CFH: variants seen among roughly 807,000 people sequenced by gnomAD.
CFH encodes the protein H factor 1 (complement).
Under a neutral mutation model 147.3 loss-of-function variants are expected in CFH, and 53 were observed. That is an observed-to-expected ratio of 0.36 (90% CI 0.29 to 0.45). CFH has a LOEUF of 0.45. Ranked by LOEUF, CFH falls within the 20% of genes least tolerant of loss-of-function variation. The pLI is 1.00. For missense variants in CFH, 1,380 were observed against 1,498.0 expected (o/e 0.92, Z 1.30); for synonymous variants, 536 against 489.4 (o/e 1.10, Z -1.26).
At chr1:196,670,957 A>T (rs1183031991) in intron 1 of CFH, among the ~76,000 whole-genome samples, 2 of 151,872 alleles carry the variant, frequency 1.3e-5, no homozygotes, top group Non-Finnish European at 2.9e-5. Context: ...TACACCACAC[A>T]TTTTTTTATA....
chr1:196,706,326 T>C (rs1668587628), intron 9 of CFH, among the ~76,000 whole-genome samples: 1 of 152,018 alleles, frequency 6.6e-6, no homozygotes, highest in Admixed American at 6.6e-5. Context: ...TTAGCCTGAC[T>C]AAAGGCAGTC....
chr1:196,728,253 A>G (rs1669194159), intron 14 of CFH, 93 bp from the exon 15 acceptor site: 1 of 898,006 alleles, frequency 1.1e-6, no homozygotes, highest in Non-Finnish European at 1.6e-6. Context: ...TAATTTTACC[A>G]TGCTAATACT....
intron 9 of CFH, among the ~76,000 whole-genome samples, chr1:196,698,815 G>A (rs144129914): frequency 3.3e-5 from 5 of 152,038 alleles, no homozygotes; most frequent in Non-Finnish European, 5.9e-5. Context: ...ACATCAATGC[G>A]AAAATCCTCA....
At chr1:196,706,689 C>G (rs1478337773) in intron 9 of CFH, among the ~76,000 whole-genome samples, 2 of 152,094 alleles carry the variant, frequency 1.3e-5, no homozygotes, top group Admixed American at 6.5e-5. Context: ...AGGCATGCCA[C>G]CCTTCAATTG....
At chr1:196,714,005 T>A in intron 10 of CFH, 88 bp downstream of exon 10, 1 of 1,225,482 alleles carries the variant, frequency 8.2e-7, no homozygotes, top group Non-Finnish European at 1.2e-6. Flanking sequence ...CTGATATAAT[T>A]TCATTTGAAA....
chr1:196,687,892 T>C (rs542070809), intron 7 of CFH, among the ~76,000 whole-genome samples: 4 of 152,130 alleles, frequency 2.6e-5, no homozygotes, highest in African/African-American at 9.6e-5. Context: ...GCCAAGAAAC[T>C]ATACTGAAAG....
intron 11 of CFH, among the ~76,000 whole-genome samples, chr1:196,720,326 G>C (rs1196821583): frequency 6.6e-6 from 1 of 151,842 alleles, no homozygotes; most frequent in Non-Finnish European, 1.5e-5. Context: ...ATGCAGTTTT[G>C]TTGCATGGAT....
At chr1:196,744,066 C>T (rs147973159) in intron 20 of CFH, among the ~76,000 whole-genome samples, 3,405 of 151,964 alleles carry the variant, frequency 0.022, 72 homozygotes, top group South Asian at 0.034. Flanking sequence ...AAAAGAAGTC[C>T]GAGCACATAG....
intron 4 of CFH, 67 bp from the exon 5 acceptor site, chr1:196,677,409 C>T: frequency 7.2e-7 from 1 of 1,385,826 alleles, no homozygotes; most frequent in Non-Finnish European, 1.0e-6. Flanking sequence ...TGATTTTATA[C>T]ATACACATAT....
chr1:196,659,591 A>G (rs1359000756), intron 1 of CFH, among the ~76,000 whole-genome samples: 3 of 152,156 alleles, frequency 2.0e-5, no homozygotes, highest in Non-Finnish European at 2.9e-5. Flanking sequence ...TTTTAATTAT[A>G]TGGAAATTAA....
At chr1:196,703,121 A>C (rs1316312185) in intron 9 of CFH, among the ~76,000 whole-genome samples, 2 of 152,218 alleles carry the variant, frequency 1.3e-5, no homozygotes, top group African/African-American at 4.8e-5. Context: ...TAAAGAGTGG[A>C]AAATAAAACA....
chr1:196,657,742 T>C (rs1666754045), intron 1 of CFH, among the ~76,000 whole-genome samples: 1 of 152,212 alleles, frequency 6.6e-6, no homozygotes, highest in Admixed American at 6.5e-5. Context: ...TTATAATATA[T>C]TCTGATACCT....
At chr1:196,745,451 A>C (rs1209489931) in intron 20 of CFH, among the ~76,000 whole-genome samples, 1 of 152,140 alleles carries the variant, frequency 6.6e-6, no homozygotes, top group Admixed American at 6.5e-5. Flanking sequence ...GTTTTTAAAA[A>C]ATTTTTGTCA....
At chr1:196,741,845 C>A (rs369121227) in intron 18 of CFH, 30 bp from the exon 19 acceptor site, 5 of 1,603,444 alleles carry the variant, frequency 3.1e-6, no homozygotes, top group Non-Finnish European at 3.4e-6. Context: ...TAAAGATTTG[C>A]GGAACAAATA....
intron 3 of CFH, 65 bp from the exon 4 acceptor site, chr1:196,675,924 C>T (rs1449120690): frequency 4.1e-6 from 4 of 979,400 alleles, no homozygotes; most frequent in Non-Finnish European, 6.6e-6. Flanking sequence ...CTCAGAATGG[C>T]ATCGAGTTTA....
intron 14 of CFH, among the ~76,000 whole-genome samples, chr1:196,727,927 A>G (rs754134720): frequency 5.3e-5 from 8 of 152,152 alleles, no homozygotes; most frequent in Non-Finnish European, 1.0e-4. Context: ...GAGATGTACA[A>G]TCTTTAAAAT....
At chr1:196,657,461 A>G (rs1314538097) in intron 1 of CFH, among the ~76,000 whole-genome samples, 1 of 152,192 alleles carries the variant, frequency 6.6e-6, no homozygotes, top group East Asian at 1.9e-4. Flanking sequence ...GGTGGGTTGC[A>G]AAACTTAAGC....
intron 9 of CFH, among the ~76,000 whole-genome samples, chr1:196,693,641 A>G (rs1668142285): frequency 6.6e-6 from 1 of 152,066 alleles, no homozygotes; most frequent in Non-Finnish European, 1.5e-5. Flanking sequence ...ATCAAAGACT[A>G]CTAAGTGACT....
rs901012681 is a variant in CFH, at chr1:196,672,084, G to A, written c.59-894G>A. On this transcript the variant is annotated intron_variant, in intron 1 of 21. Coordinates refer to ENST00000367429, the MANE Select transcript of CFH (RefSeq NM_000186.4). The stretch of plus-strand genomic sequence containing the variant: ...AGACAACGGGAAAGTCAGTCTTCCC[G>A]TATGAAGCTACCTAGACTCTAGCAA... Among the ~76,000 whole-genome samples the A allele has an allele frequency of 4.6e-5, 7 of 151,922 alleles. No homozygotes were observed. In the East Asian group the frequency reaches 1.4e-3, roughly 29 times the overall value.
Sources: allele counts gnomAD v4.1 joint callset (sites outside exome capture counted in the v4.1 genomes callset), GRCh38; gene constraint gnomAD v4.1.1; transcripts MANE v1.5; gene names NCBI Gene and HGNC (gene_info 2026-07-23, HGNC 2026-07-21).